Variants in TNFRSF1A observed in about 807,000 individuals in gnomAD.
The protein encoded by TNFRSF1A is TNF receptor superfamily member 1A.
Under a neutral mutation model 41.6 loss-of-function variants are expected in TNFRSF1A, and 9 were observed. That is an observed-to-expected ratio of 0.22 (90% confidence interval 0.13 to 0.38). TNFRSF1A has a LOEUF of 0.38. TNFRSF1A is among the 10% of genes least tolerant of loss of function. The pLI is 1.00. For missense variants in TNFRSF1A, 463 were observed against 591.5 expected, an observed-to-expected ratio of 0.78 and a Z score of 2.25; for synonymous variants, 254 against 248.6, an observed-to-expected ratio of 1.02 and a Z score of -0.21.
chr12:6,329,141 G>T lies in TNFRSF1A; in HGVS notation c.*171C>A. 1.6e-6 allele frequency: 1 copy of T among 606,596 alleles called. No homozygotes were observed. The highest frequency in any genetic ancestry group is 2.5e-6 in the Non-Finnish European group (1 of 392,978). 37.6% of individuals were successfully genotyped at this position (606,596 alleles called of 1,614,324 possible). A position where few individuals can be genotyped will look rare whatever the true frequency, so the allele number is the denominator to read the frequency against. ...TCTCTCCGCGCGCACAGCGCTGACT[G>T]TCGGCGGCGCGCAGGCAGCTGAGAA... On this transcript the variant is annotated 3_prime_UTR_variant, in exon 10 of 10. Transcript: ENST00000162749.
intron 1 of TNFRSF1A, among the ~76,000 whole-genome samples, chr12:6,335,449 G>A (rs1045520335): frequency 6.6e-6 from 1 of 152,158 alleles, no homozygotes; most frequent in African/African-American, 2.4e-5. Context: ...ATGGCATTCT[G>A]GAAGGTGTGC....
In TNFRSF1A at chr12:6,337,762, A is replaced by C. The variant is rs1307210977; in HGVS notation, c.40-3518T>G. 1.4e-5 allele frequency among the ~76,000 whole-genome samples: 2 copies of C among 147,828 alleles called. No individual in the cohort carries two copies. The highest frequency in any genetic ancestry group is 5.4e-5 in the African/African-American group (2 of 37,180). On this transcript the variant is annotated intron_variant, in intron 1 of 9. Transcript: ENST00000162749. This position sits in a 1 kb window ranked among gnomAD's most constrained non-coding sequence, Gnocchi z 4.6. ...CCCCAAAGTGACCACGAACCTTATA[A>C]GATGAGAGATCAAAAAATGTCTTGG... is the stretch of plus-strand genomic sequence containing the variant.
rs528802948 is a variant in TNFRSF1A at position 6,334,510 on chromosome 12, A to AT, written c.40-267dup. On this transcript the variant is annotated intron_variant, in intron 1 of 9. Coordinates refer to ENST00000162749, the MANE Select transcript of TNFRSF1A (RefSeq NM_001065.4). This position sits in a 1 kb window ranked among gnomAD's most constrained non-coding sequence, Gnocchi z 5.1. ...CTAGTAGGCCCCAGATCTAAGCTGT[A>AT]TTTTTTTTTTTTTAGGCAGGATCTT... is the stretch of plus-strand genomic sequence containing the variant. Among the ~76,000 whole-genome samples the AT allele has an allele frequency of 1.3e-3, 191 of 143,130 alleles. No individual in the cohort carries two copies. Among genetic ancestry groups the AT allele is most frequent in the African/African-American group, 1.9e-3 (73 of 39,212 alleles). 93.9% of individuals were successfully genotyped at this position (143,130 alleles called of 152,430 possible). A position where few individuals can be genotyped will look rare whatever the true frequency, so the allele number is the denominator to read the frequency against.
intron 9 of TNFRSF1A, 32 bp from the exon 10 acceptor site, chr12:6,329,654 G>A (rs781153197): frequency 6.4e-7 from 1 of 1,573,118 alleles, no homozygotes; most frequent in South Asian, 1.2e-5. Context: ...AGCCTCGGGC[G>A]GCAACCCCAG....
rs944449047 is a variant in TNFRSF1A, at chr12:6,341,407, C to G, written c.39+369G>C. The stretch of plus-strand genomic sequence containing the variant: ...AGAATTCAGAACCGTCTGGACTCCC[C>G]GAGCACTAATCTTCCTACTCCCACT... On this transcript the variant is annotated intron_variant, in intron 1 of 9. Transcript: ENST00000162749. This position sits in a 1 kb window ranked among gnomAD's most constrained non-coding sequence, Gnocchi z 4.6. 6.6e-6 allele frequency among the ~76,000 whole-genome samples: 1 copy of G among 152,198 alleles called. No homozygotes were observed. The highest frequency in any genetic ancestry group is 1.5e-5 in the Non-Finnish European group (1 of 68,034).
chr12:6,329,654 G>C lies in TNFRSF1A; in HGVS notation c.1058-32C>G, dbSNP rs781153197. 2.5e-6 allele frequency: 4 copies of C among 1,573,118 alleles called. No homozygotes were observed. The South Asian group carries it at 3.5e-5, about 14-fold the overall frequency. On this transcript the variant is annotated intron_variant, in intron 9 of 9. Coordinates refer to ENST00000162749, the MANE Select transcript of TNFRSF1A (RefSeq NM_001065.4). ...GGACGCGGGCCGGTGAGCCTCGGGC[G>C]GCAACCCCAGGCCCCGCCCCGCATC... is the stretch of plus-strand genomic sequence containing the variant.
At chr12:6,335,084 C>T (rs1164579817) in intron 1 of TNFRSF1A, among the ~76,000 whole-genome samples, 4 of 152,070 alleles carry the variant, frequency 2.6e-5, no homozygotes, top group African/African-American at 7.2e-5. Flanking sequence ...GCGGTGGGGG[C>T]GAGTGATGTT....
At position 6,334,272 on chromosome 12, in the gene TNFRSF1A, C is replaced by G. The variant is rs1282240560; in HGVS notation, c.40-28G>C. 17 of 1,603,658 alleles carry G rather than the reference C, an allele frequency of 1.1e-5. No individual in the cohort carries two copies. Among genetic ancestry groups the G allele is most frequent in the Non-Finnish European group, 1.4e-5 (16 of 1,172,390 alleles). On this transcript the variant is annotated intron_variant, in intron 1 of 9. Transcript: ENST00000162749. This position sits in a 1 kb window ranked among gnomAD's most constrained non-coding sequence, Gnocchi z 5.1. ...GGGGAAGAATCAGATAGAGGAGACA[C>G]CATCAAGAGAGGGAGGGATGGGAAG...
In TNFRSF1A at chr12:6,341,681, G is replaced by T; in HGVS notation, c.39+95C>A. 6.9e-7 allele frequency: 1 copy of T among 1,454,798 alleles called. No individual in the cohort carries two copies. The highest frequency in any genetic ancestry group is 9.5e-7 in the Non-Finnish European group (1 of 1,048,060). The allele number at this position is 1,454,798 out of a possible 1,614,324, so 90.1% of individuals were successfully genotyped here. A position where few individuals can be genotyped will look rare whatever the true frequency, so the allele number is the denominator to read the frequency against. On this transcript the variant is annotated intron_variant, in intron 1 of 9. Coordinates refer to ENST00000162749, the MANE Select transcript of TNFRSF1A (RefSeq NM_001065.4). The surrounding 1 kb of genome is among the most constrained non-coding windows in gnomAD (Gnocchi z 4.6). ...GAGGCTGGCGCCAGGACCAGGCCCG[G>T]GCAGGAGAGGCTCGGCCCCCTCCCG...
chr12:6,330,578 C>T lies in TNFRSF1A; in HGVS notation c.739+20G>A. On this transcript the variant is annotated intron_variant, in intron 7 of 9. Coordinates refer to ENST00000162749, the MANE Select transcript of TNFRSF1A (RefSeq NM_001065.4). ...CCTCACCCCCACCAGCTCCCTCTCCCTCCCAAAGCCCCCACTCACCAATGG... is the reference window on the plus strand; with the variant it reads ...CCTCACCCCCACCAGCTCCCTCTCCTTCCCAAAGCCCCCACTCACCAATGG... The T allele has an allele frequency of 1.9e-6, 3 of 1,580,956 alleles. No individual in the cohort carries two copies. The highest frequency in any genetic ancestry group is 1.1e-5 in the South Asian group (1 of 90,132).
chr12:6,339,816 T>TTCTCTCTCTC (rs71450139), intron 1 of TNFRSF1A, among the ~76,000 whole-genome samples: 6 of 139,336 alleles, frequency 4.3e-5, no homozygotes, highest in African/African-American at 1.4e-4. Context: ...CCTACCCCAC[T>TTCTCTCTCTC]TCTCTCTCTC....
Position 6,333,192 on chromosome 12 carries a change from C to G in TNFRSF1A, c.473-45G>C. ...ACAGCTAAAGGAGAAGCGCCTGCAC[C>G]CCCACCCCACAGGACAGAGGAAGTG... is the stretch of plus-strand genomic sequence containing the variant. On this transcript the variant is annotated intron_variant, in intron 4 of 9. Transcript: ENST00000162749. This position sits in a 1 kb window ranked among gnomAD's most constrained non-coding sequence, Gnocchi z 6.3. The G allele has an allele frequency of 6.3e-7, 1 of 1,596,954 alleles. No individual in the cohort carries two copies. Among genetic ancestry groups the G allele is most frequent in the Non-Finnish European group, 8.6e-7 (1 of 1,166,086 alleles).
rs1947988893 is a variant in TNFRSF1A, at chr12:6,329,150, G to A, written c.*162C>T. 3.1e-6 allele frequency: 2 copies of A among 644,008 alleles called. No homozygotes were observed. The highest frequency in any genetic ancestry group is 3.9e-5 in the Admixed American group (1 of 25,628). 39.9% of individuals were successfully genotyped at this position (644,008 alleles called of 1,614,324 possible). A position where few individuals can be genotyped will look rare whatever the true frequency, so the allele number is the denominator to read the frequency against. ...GCGCACAGCGCTGACTGTCGGCGGCGCGCAGGCAGCTGAGAAAAGCTATGT... is the reference window on the plus strand; with the variant it reads ...GCGCACAGCGCTGACTGTCGGCGGCACGCAGGCAGCTGAGAAAAGCTATGT... On this transcript the variant is annotated 3_prime_UTR_variant, in exon 10 of 10. Coordinates refer to ENST00000162749, the MANE Select transcript of TNFRSF1A (RefSeq NM_001065.4).
intron 1 of TNFRSF1A, among the ~76,000 whole-genome samples, chr12:6,335,288 G>A (rs1948106181): frequency 6.6e-6 from 1 of 152,176 alleles, no homozygotes; most frequent in Non-Finnish European, 1.5e-5. Context: ...TGCATGGGTA[G>A]ACGGGGGACA....
At position 6,332,451 on chromosome 12, in the gene TNFRSF1A, AAAAAC is replaced by A. The variant is rs1565467403; in HGVS notation, c.551+613_551+617del. Among the ~76,000 whole-genome samples, 311 of 149,868 alleles carry A rather than the reference AAAAAC, an allele frequency of 2.1e-3. 24 individuals are homozygous for A. The highest frequency in any genetic ancestry group is 0.019 in the South Asian group (92 of 4,782). On this transcript the variant is annotated intron_variant, in intron 5 of 9. Coordinates refer to ENST00000162749, the MANE Select transcript of TNFRSF1A (RefSeq NM_001065.4). ...CCTGTCTCAAAAAAAAAAAAAAAAA[AAAAAC>A]ACCAAAAGAAAAGTCAGGCTCAGAG...
Position 6,333,833 on chromosome 12 carries a change from C to G in TNFRSF1A, c.226G>C (p.Gly76Arg). 3 of 1,599,192 alleles carry G rather than the reference C, an allele frequency of 1.9e-6. No individual in the cohort carries two copies. Among genetic ancestry groups the G allele is most frequent in the Non-Finnish European group, 2.6e-6 (3 of 1,172,352 alleles). The change falls in exon 3 of 10, where the codon GGG becomes CGG. Residue 76 changes from glycine to arginine, a missense_variant. Gly to Arg is a moderately radical substitution (Grantham distance 125). Coordinates refer to ENST00000162749, the MANE Select transcript of TNFRSF1A (RefSeq NM_001065.4). The surrounding 1 kb of genome is among the most constrained non-coding windows in gnomAD (Gnocchi z 6.3). ...CACTCCCTGCAGTCCGTATCCTGCC[C>G]CGGGCCTGGACAGTCATTGTACAAG... ...TYLYNDCPGP[G>R]QDTDCRECES...
At chr12:6,336,644 T>C (rs1238806781) in intron 1 of TNFRSF1A, among the ~76,000 whole-genome samples, 1 of 151,988 alleles carries the variant, frequency 6.6e-6, no homozygotes, top group East Asian at 1.9e-4. Flanking sequence ...CCCTCGACCC[T>C]GGCTTCCGCC....
Position 6,335,813 on chromosome 12 carries a change from C to T in TNFRSF1A, c.40-1569G>A, listed in dbSNP as rs574923869. On this transcript the variant is annotated intron_variant, in intron 1 of 9. Coordinates refer to ENST00000162749, the MANE Select transcript of TNFRSF1A (RefSeq NM_001065.4). ...TCACCCTGAGTCAGCCACGGGGAGA[C>T]GCTGCAGCTGTAAGCTGTGCAGGCC... 2.4e-4 allele frequency among the ~76,000 whole-genome samples: 37 copies of T among 152,278 alleles called. No homozygotes were observed. The South Asian group carries it at 5.8e-3, about 24-fold the overall frequency.
At chr12:6,335,173 C>T (rs900193488) in intron 1 of TNFRSF1A, among the ~76,000 whole-genome samples, 27 of 152,274 alleles carry the variant, frequency 1.8e-4, no homozygotes, top group African/African-American at 6.3e-4. Flanking sequence ...AATCTGCCTC[C>T]GCCCTCACAT....
Sources: gnomAD v4.1 joint callset for allele counts (sites outside exome capture counted in the v4.1 genomes callset) on GRCh38, gnomAD v4.1.1 for gene constraint, Gnocchi (gnomAD v3.1) non-coding constraint, MANE v1.5 for transcripts, NCBI Gene and HGNC (gene_info 2026-07-23, HGNC 2026-07-21) for gene names.